The following CDC42SE2 variants were observed in gnomAD, a reference collection of about 807,000 sequenced individuals.
CDC42SE2 encodes the protein CDC42 small effector 2.
CDC42SE2 carries 3 observed loss-of-function variants against 11.5 expected under a neutral mutation model. The ratio of observed to expected loss-of-function variants is 0.26; its 90% CI spans 0.12 to 0.67. The LOEUF is 0.67. CDC42SE2 is among the 30% of genes least tolerant of loss of function. CDC42SE2 has a pLI of 0.80. For synonymous variants in CDC42SE2, 33 were observed against 34.8 expected, an observed-to-expected ratio of 0.95 and a Z score of 0.18; for missense variants, 82 against 106.8, an observed-to-expected ratio of 0.77 and a Z score of 1.02.
chr5:131,244,775 A>T (rs1167299690), upstream of CDC42SE2, among the ~76,000 whole-genome samples: 1 of 152,230 alleles, frequency 6.6e-6, no homozygotes, highest in Non-Finnish European at 1.5e-5. Context: ...GGTCACAGCA[A>T]CAAGGCCCAC....
intron 1 of CDC42SE2, among the ~76,000 whole-genome samples, chr5:131,253,887 C>G (rs1326258079): frequency 1.3e-5 from 2 of 152,232 alleles, no homozygotes; most frequent in African/African-American, 2.4e-5. Flanking sequence ...TTGGGAATCT[C>G]TCATAGTCAC....
chr5:131,237,810 A>C, the CDC42SE2 span, among the ~76,000 whole-genome samples: 1 of 152,100 alleles, frequency 6.6e-6, no homozygotes, highest in Non-Finnish European at 1.5e-5. Context: ...GCTTCTTCCA[A>C]ACTCCTAGCC....
intron 2 of CDC42SE2, among the ~76,000 whole-genome samples, chr5:131,326,640 A>G (rs1758307335): frequency 6.6e-6 from 1 of 152,122 alleles, no homozygotes; most frequent in Non-Finnish European, 1.5e-5. Context: ...GTTGTTTCTG[A>G]CATATATTGA....
chr5:131,362,090 C>T (rs965124202), intron 3 of CDC42SE2, among the ~76,000 whole-genome samples: 7 of 152,048 alleles, frequency 4.6e-5, no homozygotes, highest in Admixed American at 6.6e-5. Context: ...TATGTTTGTC[C>T]GTGGGGGTGG....
intron 1 of CDC42SE2, among the ~76,000 whole-genome samples, chr5:131,266,066 G>A (rs1000305321): frequency 1.3e-5 from 2 of 152,126 alleles, no homozygotes; most frequent in African/African-American, 4.8e-5. Flanking sequence ...TGCTAAAAAG[G>A]GAAGGATTAT....
At chr5:131,213,303 A>G in the CDC42SE2 span, among the ~76,000 whole-genome samples, 34 of 152,198 alleles carry the variant, frequency 2.2e-4, no homozygotes, top group Non-Finnish European at 4.3e-4. Flanking sequence ...CTAGCTTTGA[A>G]GTTTTTCAAA....
At chr5:131,330,868 A>C (rs2149741390) in intron 2 of CDC42SE2, among the ~76,000 whole-genome samples, 1 of 151,956 alleles carries the variant, frequency 6.6e-6, no homozygotes, top group Admixed American at 6.6e-5. Context: ...AAAAAAAAAA[A>C]AAATTTAAGT....
At position 131,392,378 on chromosome 5, in the gene CDC42SE2, G is replaced by T. The variant is rs1750686334; in HGVS notation, c.*1287G>T. 1 of 152,734 alleles carries T rather than the reference G, an allele frequency of 6.5e-6. No individual in the cohort carries two copies. 9.5% of individuals were successfully genotyped at this position (152,734 alleles called of 1,614,324 possible). A position where few individuals can be genotyped will look rare whatever the true frequency, so the allele number is the denominator to read the frequency against. On this transcript the variant is annotated 3_prime_UTR_variant, in exon 5 of 5. Transcript: ENST00000505065. ...AGTTGTTGCTTCGGTAAGAGCCCAT[G>T]GGATGCCAGAAATTAACATTTCTTT...
chr5:131,384,793 G>T (rs973666473), intron 3 of CDC42SE2, among the ~76,000 whole-genome samples: 2 of 151,438 alleles, frequency 1.3e-5, no homozygotes, highest in Non-Finnish European at 2.9e-5. Flanking sequence ...CAAAAATTAG[G>T]AAGAGTCAGC....
chr5:131,217,683 C>T, the CDC42SE2 span, among the ~76,000 whole-genome samples: 17 of 151,960 alleles, frequency 1.1e-4, no homozygotes, highest in Non-Finnish European at 1.8e-4. Context: ...CCATCTATGA[C>T]ACAAAAAAGC....
upstream of CDC42SE2, chr5:131,264,040 G>C (rs1011735540): frequency 6.6e-5 from 10 of 151,922 alleles, no homozygotes; most frequent in Non-Finnish European, 1.3e-4. Context: ...AGCCTGGGCG[G>C]GGAGGGGGAG....
In CDC42SE2 at chr5:131,385,524, T is replaced by C. The variant is rs768705862; in HGVS notation, c.55-19T>C. ...CTCATAAGATCACTTTCTCAACACA[T>C]TTGTTCCCCATATTTTAGAAAAGGC... On this transcript the variant is annotated intron_variant, in intron 3 of 4. Coordinates refer to ENST00000505065, the MANE Select transcript of CDC42SE2 (RefSeq NM_001375635.1). 2 of 1,573,326 alleles carry C rather than the reference T, an allele frequency of 1.3e-6. No individual in the cohort carries two copies. Among genetic ancestry groups the C allele is most frequent in the South Asian group, 1.1e-5 (1 of 90,034 alleles).
intron 1 of CDC42SE2, among the ~76,000 whole-genome samples, chr5:131,290,557 C>T (rs1757437734): frequency 7.1e-6 from 1 of 141,378 alleles, no homozygotes; most frequent in East Asian, 2.1e-4. Context: ...GGGTCAATGG[C>T]AGCCTCCACC....
intron 2 of CDC42SE2, among the ~76,000 whole-genome samples, chr5:131,327,484 G>A (rs1758322245): frequency 6.6e-6 from 1 of 151,904 alleles, no homozygotes; most frequent in South Asian, 2.1e-4. Flanking sequence ...GCAGTTAGTG[G>A]GCTTTATGTG....
chr5:131,377,906 C>G (rs541455778), intron 3 of CDC42SE2, among the ~76,000 whole-genome samples: 1 of 152,236 alleles, frequency 6.6e-6, no homozygotes, highest in Non-Finnish European at 1.5e-5. Context: ...TTAGATAAGA[C>G]AAACAATTTT....
chr5:131,238,598 C>A, the CDC42SE2 span, among the ~76,000 whole-genome samples: 2 of 150,406 alleles, frequency 1.3e-5, no homozygotes, highest in East Asian at 1.9e-4. Flanking sequence ...GCACATGTAT[C>A]CCGGAACTTA....
chr5:131,332,202 G>GCA (rs1758434124), intron 2 of CDC42SE2, among the ~76,000 whole-genome samples: 1 of 152,104 alleles, frequency 6.6e-6, no homozygotes, highest in Non-Finnish European at 1.5e-5. Flanking sequence ...CCACCTATGA[G>GCA]TGAGAACATG....
chr5:131,309,178 G>A (rs1412027068), intron 1 of CDC42SE2, among the ~76,000 whole-genome samples: 1 of 152,128 alleles, frequency 6.6e-6, no homozygotes, highest in Non-Finnish European at 1.5e-5. Context: ...TTTGTCAAAG[G>A]CCTTTTCTGC....
the CDC42SE2 span, among the ~76,000 whole-genome samples, chr5:131,232,793 A>G: frequency 4.0e-5 from 6 of 151,144 alleles, no homozygotes; most frequent in Admixed American, 3.3e-4. Flanking sequence ...AAATAGCTCA[A>G]GTTTAAAATG....
Sources: gnomAD v4.1 joint callset for allele counts (sites outside exome capture counted in the v4.1 genomes callset) on GRCh38, gnomAD v4.1.1 for gene constraint, MANE v1.5 for transcripts, NCBI Gene and HGNC (gene_info 2026-07-23, HGNC 2026-07-21) for gene names.